Variants in CNTNAP5 observed in about 807,000 individuals in gnomAD.
The protein encoded by CNTNAP5 is contactin-associated protein-like 5.
In CNTNAP5, 72 loss-of-function variants were observed where a neutral mutation model predicts 150.2. The observed-to-expected ratio is 0.48, with a 90% CI of 0.40 to 0.58. The LOEUF (loss-of-function observed/expected upper bound fraction) is 0.58. Ranked by LOEUF, CNTNAP5 falls within the 20% of genes least tolerant of loss-of-function variation. The probability of loss-of-function intolerance (pLI) is 0.00; values close to 1 mark genes in which losing one functional copy is unlikely to be tolerated. For missense variants in CNTNAP5, 1,636 were observed against 1,626.2 expected (o/e 1.01, Z -0.10); for synonymous variants, 672 against 619.8 (o/e 1.08, Z -1.25).
chr2:124,793,540 C>A (rs901307588), intron 18 of CNTNAP5, among the ~76,000 whole-genome samples: 9 of 152,088 alleles, frequency 5.9e-5, no homozygotes, highest in Non-Finnish European at 1.3e-4. Flanking sequence ...TGATCAAGTT[C>A]ATTTTCTCTA....
chr2:124,831,648 A>G (rs1473702864), intron 19 of CNTNAP5, among the ~76,000 whole-genome samples: 1 of 151,134 alleles, frequency 6.6e-6, no homozygotes, highest in Non-Finnish European at 1.5e-5. Context: ...AGTATTTTAT[A>G]TACTAAAATA....
At chr2:124,331,897 A>G (rs540640620) in intron 3 of CNTNAP5, among the ~76,000 whole-genome samples, 11 of 151,952 alleles carry the variant, frequency 7.2e-5, no homozygotes, top group Admixed American at 2.0e-4. Context: ...TATTACATGA[A>G]AATCTTAATT....
intron 8 of CNTNAP5, 132 bp downstream of exon 8, chr2:124,504,688 G>T: frequency 3.5e-5 from 23 of 653,828 alleles, no homozygotes; most frequent in Non-Finnish European, 5.2e-5. Flanking sequence ...TGTACTCCAA[G>T]TCTGAAGAGG....
intron 4 of CNTNAP5, among the ~76,000 whole-genome samples, chr2:124,419,787 A>T (rs1400028914): frequency 6.6e-6 from 1 of 152,104 alleles, no homozygotes; most frequent in African/African-American, 2.4e-5. Context: ...GAAATAATTT[A>T]AAAAACGAAT....
chr2:124,318,764 C>A (rs1333148825), intron 3 of CNTNAP5, among the ~76,000 whole-genome samples: 1 of 151,946 alleles, frequency 6.6e-6, no homozygotes, highest in Non-Finnish European at 1.5e-5. Context: ...ACCCCAAAAT[C>A]TCCTTCCCCC....
intron 19 of CNTNAP5, among the ~76,000 whole-genome samples, chr2:124,803,505 A>G (rs1181871464): frequency 1.3e-5 from 2 of 152,176 alleles, no homozygotes; most frequent in African/African-American, 2.4e-5. Flanking sequence ...CTATCCATCT[A>G]TGGTGAAATC....
chr2:124,702,031 T>C (rs1259372333), intron 13 of CNTNAP5, among the ~76,000 whole-genome samples: 1 of 152,076 alleles, frequency 6.6e-6, no homozygotes, highest in Non-Finnish European at 1.5e-5. Flanking sequence ...ATATTTTCTC[T>C]TTATGACTTA....
At chr2:124,693,418 A>T (rs938075035) in intron 13 of CNTNAP5, among the ~76,000 whole-genome samples, 2 of 152,130 alleles carry the variant, frequency 1.3e-5, no homozygotes, top group African/African-American at 4.8e-5. Context: ...AAAGTTCTGA[A>T]ATAACAAAGA....
chr2:124,625,988 T>C (rs1013027735), intron 12 of CNTNAP5, among the ~76,000 whole-genome samples: 2 of 152,172 alleles, frequency 1.3e-5, no homozygotes, highest in African/African-American at 4.8e-5. Context: ...TGATCACTTA[T>C]TCTTACCTCA....
intron 19 of CNTNAP5, among the ~76,000 whole-genome samples, chr2:124,864,238 A>G (rs544942122): frequency 1.3e-5 from 2 of 152,344 alleles, no homozygotes; most frequent in South Asian, 4.1e-4. Flanking sequence ...TTTAATTGAC[A>G]TATAATACTT....
intron 18 of CNTNAP5, among the ~76,000 whole-genome samples, chr2:124,791,446 G>T (rs563227568): frequency 6.6e-6 from 1 of 152,082 alleles, no homozygotes; most frequent in Non-Finnish European, 1.5e-5. Context: ...TCACACTGGC[G>T]GAGGTCTCTG....
intron 1 of CNTNAP5, among the ~76,000 whole-genome samples, chr2:124,047,042 C>T (rs1318767617): frequency 1.3e-5 from 2 of 152,154 alleles, no homozygotes; most frequent in African/African-American, 2.4e-5. Flanking sequence ...AAGTATCAAT[C>T]ACAGCCTAAG....
intron 3 of CNTNAP5, among the ~76,000 whole-genome samples, chr2:124,281,337 T>C (rs1456540638): frequency 6.6e-6 from 1 of 152,168 alleles, no homozygotes; most frequent in African/African-American, 2.4e-5. Context: ...TTAAGTAAAT[T>C]AATTGAAATT....
At chr2:124,589,323 G>A (rs1461201554) in intron 11 of CNTNAP5, among the ~76,000 whole-genome samples, 3 of 152,102 alleles carry the variant, frequency 2.0e-5, no homozygotes, top group Admixed American at 2.0e-4. Context: ...CTTTCATTTA[G>A]CACGTTTTCA....
chr2:124,293,905 G>A (rs573902371), intron 3 of CNTNAP5, among the ~76,000 whole-genome samples: 1 of 152,228 alleles, frequency 6.6e-6, no homozygotes, highest in South Asian at 2.1e-4. Flanking sequence ...GAGTCTGGGG[G>A]GCTGAGAAGT....
intron 4 of CNTNAP5, among the ~76,000 whole-genome samples, chr2:124,432,897 C>A (rs1323069637): frequency 6.6e-6 from 1 of 152,186 alleles, no homozygotes; most frequent in Non-Finnish European, 1.5e-5. Context: ...ACTACTAATA[C>A]CTCTCCTATC....
intron 3 of CNTNAP5, among the ~76,000 whole-genome samples, chr2:124,410,184 C>T (rs1691710918): frequency 6.6e-6 from 1 of 151,022 alleles, no homozygotes; most frequent in Non-Finnish European, 1.5e-5. Flanking sequence ...GCTAACTATC[C>T]TAAATATATA....
chr2:124,878,841 C>T lies in CNTNAP5; in HGVS notation c.3436+9079C>T, dbSNP rs536892821. On this transcript the variant is annotated intron_variant, in intron 21 of 23. Coordinates refer to ENST00000682447, the MANE Select transcript of CNTNAP5 (RefSeq NM_001367498.1). Reference sequence around the variant, plus strand: ...GGGATTACAGGTGTGTGCCACCTCGCCCGGCCAATTTTTGTATTTTTAGTA... The same window carrying T: ...GGGATTACAGGTGTGTGCCACCTCGTCCGGCCAATTTTTGTATTTTTAGTA... Among the ~76,000 whole-genome samples the T allele has an allele frequency of 1.2e-3, 182 of 147,266 alleles. 3 individuals carry two copies. The South Asian group carries it at 0.031, about 25-fold the overall frequency.
intron 10 of CNTNAP5, among the ~76,000 whole-genome samples, chr2:124,542,633 G>A (rs186260795): frequency 2.6e-5 from 4 of 152,128 alleles, no homozygotes; most frequent in East Asian, 1.9e-4. Context: ...CCTACTCTAC[G>A]AAGTCTTCTT....
Sources: allele counts gnomAD v4.1 joint callset (sites outside exome capture counted in the v4.1 genomes callset), GRCh38; gene constraint gnomAD v4.1.1; transcripts MANE v1.5; gene names NCBI Gene and HGNC (gene_info 2026-07-23, HGNC 2026-07-21).